RAD51AP1: variants seen among roughly 807,000 people sequenced by gnomAD.
RAD51AP1 encodes the protein RAD51-associated protein 1.
A neutral mutation model predicts 34.3 loss-of-function variants in RAD51AP1; 14 were observed. The observed-to-expected ratio is 0.41, with a 90% confidence interval of 0.27 to 0.64. The LOEUF (loss-of-function observed/expected upper bound fraction) is 0.64. RAD51AP1 is among the 30% of genes least tolerant of loss of function. The pLI is 0.33. For missense variants in RAD51AP1, 348 were observed against 386.9 expected, an observed-to-expected ratio of 0.90 and a Z score of 0.84; for synonymous variants, 114 against 129.8, an observed-to-expected ratio of 0.88 and a Z score of 0.83.
chr12:4,558,905 C>G lies in RAD51AP1; in HGVS notation c.920C>G (p.Ser307Cys). ...AGCAGCAGCCCACTGGTGGTAGTGT[C>G]TGTGAAGTCTCCCAATCAGAGTCTC... ...RSSSSPLVVV[S>C]VKSPNQSLRL... Residue 307 changes from serine to cysteine, a missense_variant, in exon 9 of 9, where the codon TCT becomes TGT. By Grantham distance (112) the Ser-to-Cys change is moderately radical (BLOSUM62 -1). Transcript: ENST00000352618. The G allele has an allele frequency of 6.2e-7, 1 of 1,614,174 alleles. No individual in the cohort carries two copies. The highest frequency in any genetic ancestry group is 8.5e-7 in the Non-Finnish European group (1 of 1,179,980).
intron 3 of RAD51AP1, chr12:4,545,883 G>A: frequency 1.3e-6 from 2 of 1,571,840 alleles, no homozygotes; most frequent in African/African-American, 1.4e-5. Flanking sequence ...AGGAAGAGAT[G>A]TAAAAAAATG....
chr12:4,543,975 C>G (rs975759476), intron 3 of RAD51AP1, 71 bp downstream of exon 3: 18 of 1,291,850 alleles, frequency 1.4e-5, no homozygotes, highest in African/African-American at 4.6e-5. Flanking sequence ...AGATTCGAAC[C>G]CTTGATTTAA....
intron 3 of RAD51AP1, 139 bp from the exon 4 acceptor site, chr12:4,546,170 T>A: frequency 1.6e-6 from 1 of 632,296 alleles, no homozygotes; most frequent in Non-Finnish European, 2.8e-6. Context: ...TCATCAAAGG[T>A]CTATTAATGA....
rs534430151 is a variant in RAD51AP1 at position 4,542,036 on chromosome 12, A to T, written c.67+103A>T. ...AACACTGACTAAATTGCCCAAATGCATATGAGGTAGGTCTGGAAAGATAGT... is the reference window on the plus strand; with the variant it reads ...AACACTGACTAAATTGCCCAAATGCTTATGAGGTAGGTCTGGAAAGATAGT... On this transcript the variant is annotated intron_variant, in intron 2 of 8. Transcript: ENST00000352618. The T allele has an allele frequency of 6.9e-6, 4 of 582,426 alleles. No homozygotes were observed. In the Admixed American group the frequency reaches 1.2e-4, roughly 17 times the overall value. 36.1% of individuals were successfully genotyped at this position (582,426 alleles called of 1,614,324 possible). A position where few individuals can be genotyped will look rare whatever the true frequency, so the allele number is the denominator to read the frequency against.
chr12:4,543,537 G>A (rs1024363562), intron 2 of RAD51AP1, among the ~76,000 whole-genome samples: 13 of 151,806 alleles, frequency 8.6e-5, no homozygotes, highest in African/African-American at 3.1e-4. Flanking sequence ...GCAGTTTTTA[G>A]TGAATTGGTT....
chr12:4,539,107 C>A, intron 1 of RAD51AP1, 151 bp downstream of exon 1: 1 of 808,516 alleles, frequency 1.2e-6, no homozygotes, highest in Non-Finnish European at 2.0e-6. Flanking sequence ...TGAGAGCCAC[C>A]CGTTGCTCAG....
chr12:4,540,315 A>G (rs1407171596), intron 1 of RAD51AP1, among the ~76,000 whole-genome samples: 1 of 152,174 alleles, frequency 6.6e-6, no homozygotes, highest in Admixed American at 6.5e-5. Flanking sequence ...TTTGTAAGGA[A>G]CAGCAGTTGT....
At chr12:4,547,303 A>T (rs1473587118) in intron 4 of RAD51AP1, among the ~76,000 whole-genome samples, 3 of 152,080 alleles carry the variant, frequency 2.0e-5, no homozygotes, top group Non-Finnish European at 4.4e-5. Flanking sequence ...GCCTCAAGCA[A>T]TCCTCCTGCC....
intron 1 of RAD51AP1, 58 bp downstream of exon 1, chr12:4,539,014 G>T: frequency 6.3e-7 from 1 of 1,580,554 alleles, no homozygotes; most frequent in Non-Finnish European, 8.7e-7. Context: ...AAAGACATGA[G>T]ACTAAGGGGA....
chr12:4,546,234 A>G, intron 3 of RAD51AP1, 75 bp from the exon 4 acceptor site: 1 of 1,113,954 alleles, frequency 9.0e-7, no homozygotes, highest in Non-Finnish European at 1.3e-6. Flanking sequence ...AGTAATTTGG[A>G]GAAATCTCAA....
Position 4,543,756 on chromosome 12 carries a change from T to A in RAD51AP1, c.68-7T>A, listed in dbSNP as rs368705361. The A allele has an allele frequency of 4.5e-6, 7 of 1,566,130 alleles. No homozygotes were observed. The highest frequency in any genetic ancestry group is 6.1e-6 in the Non-Finnish European group (7 of 1,155,786). On this transcript the variant is annotated splice_polypyrimidine_tract_variant and splice_region_variant and intron_variant, in intron 2 of 8. Transcript: ENST00000352618. ...TTTTCTTTTGGTTTTAATTCACACA[T>A]GAATAGATGATTTTGTTTCTGCAAC...
At chr12:4,545,697 C>G in intron 3 of RAD51AP1, 1 of 1,438,620 alleles carries the variant, frequency 7.0e-7, no homozygotes, top group African/African-American at 1.4e-5. Context: ...CACTTTTGAG[C>G]AGCTTGAATA....
chr12:4,546,276 A>G, intron 3 of RAD51AP1, 33 bp from the exon 4 acceptor site: 3 of 1,431,556 alleles, frequency 2.1e-6, no homozygotes, highest in South Asian at 1.2e-5. Flanking sequence ...TGATATTTTG[A>G]AGAACTCATT....
intron 6 of RAD51AP1, among the ~76,000 whole-genome samples, chr12:4,551,092 A>G (rs1944542837): frequency 6.6e-6 from 1 of 152,158 alleles, no homozygotes; most frequent in South Asian, 2.1e-4. Flanking sequence ...TATGAAGTAC[A>G]AAGAATATAC....
intron 5 of RAD51AP1, 100 bp downstream of exon 5, chr12:4,548,278 T>C (rs771736882): frequency 4.8e-6 from 7 of 1,457,654 alleles, no homozygotes; most frequent in Non-Finnish European, 6.5e-6. Context: ...TTCTTTAAAT[T>C]TGTCAAGACT....
At position 4,542,838 on chromosome 12, in the gene RAD51AP1, G is replaced by T. The variant is rs556585350; in HGVS notation, c.67+905G>T. ...AGAACTACAACAGTTCAGAGGATTG[G>T]TAAGACAGAAAAACCTGTGAGAAAC... On this transcript the variant is annotated intron_variant, in intron 2 of 8. Coordinates refer to ENST00000352618, the MANE Select transcript of RAD51AP1 (RefSeq NM_006479.5). 2.6e-5 allele frequency among the ~76,000 whole-genome samples: 4 copies of T among 152,282 alleles called. No individual in the cohort carries two copies. The East Asian group carries it at 7.7e-4, about 29-fold the overall frequency.
In RAD51AP1 at chr12:4,559,991, CTA is replaced by C. The variant is rs1944609625; in HGVS notation, c.*1002_*1003del. 1 of 152,080 alleles carries C rather than the reference CTA, an allele frequency of 6.6e-6. No individual in the cohort carries two copies. Among genetic ancestry groups the C allele is most frequent in the African/African-American group, 2.4e-5 (1 of 41,378 alleles). 9.4% of individuals were successfully genotyped at this position (152,080 alleles called of 1,614,324 possible). A position where few individuals can be genotyped will look rare whatever the true frequency, so the allele number is the denominator to read the frequency against. On this transcript the variant is annotated 3_prime_UTR_variant, in exon 9 of 9. Transcript: ENST00000352618. ...AGTTTTTCTTGGTTTATGGAAATATCTATATTAATGTGAAAATAATTAATTTA... is the reference window on the plus strand; with the variant it reads ...AGTTTTTCTTGGTTTATGGAAATATCTATTAATGTGAAAATAATTAATTTA...
At chr12:4,556,097 C>G (rs895569442) in intron 7 of RAD51AP1, among the ~76,000 whole-genome samples, 1 of 152,140 alleles carries the variant, frequency 6.6e-6, no homozygotes. Context: ...GTTTCCTTCT[C>G]TGAGAGTGGG....
chr12:4,552,132 C>CATTT (rs1201923108), intron 6 of RAD51AP1, among the ~76,000 whole-genome samples: 1 of 152,018 alleles, frequency 6.6e-6, no homozygotes. Flanking sequence ...TTGATTTAAG[C>CATTT]ATTTTCTGCA....
Sources: gnomAD v4.1 joint callset for allele counts (sites outside exome capture counted in the v4.1 genomes callset) on GRCh38, gnomAD v4.1.1 for gene constraint, MANE v1.5 for transcripts, NCBI Gene and HGNC (gene_info 2026-07-23, HGNC 2026-07-21) for gene names.